Variants in SLC38A11 observed in about 807,000 individuals in gnomAD.
The protein encoded by SLC38A11 is putative sodium-coupled neutral amino acid transporter 11.
In SLC38A11, 51 loss-of-function variants were observed where a neutral mutation model predicts 49.4. The ratio of observed to expected loss-of-function variants is 1.03; its 90% CI spans 0.83 to 1.30. The LOEUF (loss-of-function observed/expected upper bound fraction) is 1.30. SLC38A11 is among the 50% of genes most tolerant of loss of function. SLC38A11 has a pLI of 0.00. For synonymous variants in SLC38A11, 203 were observed against 192.9 expected, an observed-to-expected ratio of 1.05 and a Z score of -0.43; for missense variants, 574 against 556.2, an observed-to-expected ratio of 1.03 and a Z score of -0.32.
intron 3 of SLC38A11, among the ~76,000 whole-genome samples, chr2:164,949,488 C>T (rs1415134459): frequency 6.6e-6 from 1 of 152,200 alleles, no homozygotes; most frequent in East Asian, 1.9e-4. Context: ...GAATTTCTGA[C>T]CTCAAGTGAT....
rs148479211 is a variant in SLC38A11, at chr2:164,915,970, T to C, written c.621A>G (p.Pro207=). ...ARAISLGPHI[P]KTEDAWVFAK... Reference sequence around the variant, plus strand: ...CAAATACCCAAGCGTCTTCTGTTTTTGGTCTAGAAGAAAAATCAGTTAACT... The same window carrying C: ...CAAATACCCAAGCGTCTTCTGTTTTCGGTCTAGAAGAAAAATCAGTTAACT... Residue 207 remains proline (P), a synonymous_variant, in exon 8 of 12, where the codon CCA becomes CCG. Coordinates refer to ENST00000685975, the MANE Select transcript of SLC38A11 (RefSeq NM_001351537.2). 5 of 1,588,676 alleles carry C rather than the reference T, an allele frequency of 3.1e-6. No individual in the cohort carries two copies. Among genetic ancestry groups the C allele is most frequent in the African/African-American group, 2.7e-5 (2 of 74,658 alleles).
At chr2:164,938,863 A>C (rs1458883513) in intron 6 of SLC38A11, among the ~76,000 whole-genome samples, 1 of 152,160 alleles carries the variant, frequency 6.6e-6, no homozygotes, top group Admixed American at 6.5e-5. Flanking sequence ...ATATTCCTTG[A>C]GAGTAAGTGC....
intron 7 of SLC38A11, among the ~76,000 whole-genome samples, chr2:164,931,630 C>T (rs1259999354): frequency 6.6e-6 from 1 of 152,184 alleles, no homozygotes; most frequent in Non-Finnish European, 1.5e-5. Context: ...ACAGCTACAA[C>T]TATCTGATCT....
At chr2:164,935,672 G>A (rs1687321590) in intron 7 of SLC38A11, among the ~76,000 whole-genome samples, 1 of 151,730 alleles carries the variant, frequency 6.6e-6, no homozygotes, top group African/African-American at 2.4e-5. Context: ...GACAGAATGA[G>A]ACCCTGTCTC....
intron 7 of SLC38A11, among the ~76,000 whole-genome samples, chr2:164,927,526 C>T (rs927487467): frequency 9.9e-5 from 15 of 152,094 alleles, no homozygotes; most frequent in Non-Finnish European, 2.1e-4. Context: ...GCTCCCCCAG[C>T]GAATGGCAAA....
At chr2:164,922,511 A>G (rs557616218) in intron 7 of SLC38A11, among the ~76,000 whole-genome samples, 15 of 152,298 alleles carry the variant, frequency 9.8e-5, no homozygotes, top group Admixed American at 9.2e-4. Context: ...GTTTACATTA[A>G]TATATAAAGC....
At chr2:164,903,163 CA>C (rs1684771061) in intron 11 of SLC38A11, among the ~76,000 whole-genome samples, 1 of 149,176 alleles carries the variant, frequency 6.7e-6, no homozygotes, top group African/African-American at 2.5e-5. Flanking sequence ...GTGAAAACAA[CA>C]AACAGTAATT....
intron 7 of SLC38A11, among the ~76,000 whole-genome samples, chr2:164,934,632 C>T (rs1283919686): frequency 3.3e-5 from 5 of 152,102 alleles, no homozygotes; most frequent in Non-Finnish European, 7.4e-5. Context: ...AGCTATGTTT[C>T]CCCCTCAATA....
chr2:164,942,432 C>CAA (rs138965956), intron 5 of SLC38A11, among the ~76,000 whole-genome samples: 3,324 of 103,160 alleles, frequency 0.032, 144 homozygotes, highest in African/African-American at 0.1. Flanking sequence ...GACTCTGTCT[C>CAA]AAAAAAAAAA....
intron 3 of SLC38A11, among the ~76,000 whole-genome samples, chr2:164,951,928 G>A (rs533894305): frequency 6.6e-6 from 1 of 152,202 alleles, no homozygotes; most frequent in Admixed American, 6.5e-5. Context: ...TGGTAAAAGG[G>A]CATCTAATCC....
At chr2:164,916,561 G>A (rs988311588) in intron 7 of SLC38A11, among the ~76,000 whole-genome samples, 2 of 152,052 alleles carry the variant, frequency 1.3e-5, no homozygotes, top group Admixed American at 6.6e-5. Context: ...GCTCTGGATG[G>A]TGATATAACT....
At chr2:164,943,025 T>C (rs1229205957) in intron 5 of SLC38A11, among the ~76,000 whole-genome samples, 2 of 152,214 alleles carry the variant, frequency 1.3e-5, no homozygotes, top group Non-Finnish European at 2.9e-5. Context: ...GTATGCTTTC[T>C]AGCTCTAGGT....
chr2:164,907,314 C>A (rs1359230597), intron 11 of SLC38A11, among the ~76,000 whole-genome samples: 1 of 127,920 alleles, frequency 7.8e-6, no homozygotes, highest in African/African-American at 3.0e-5. Flanking sequence ...CACTCTGTTG[C>A]CCAGGCTGGA....
At chr2:164,915,676 T>C (rs1219137260) in intron 8 of SLC38A11, 1 of 479,868 alleles carries the variant, frequency 2.1e-6, no homozygotes, top group Non-Finnish European at 3.8e-6. Flanking sequence ...ATGACTGTAA[T>C]GAGTTTCTGC....
At chr2:164,934,347 G>C (rs1295000855) in intron 7 of SLC38A11, among the ~76,000 whole-genome samples, 1 of 151,994 alleles carries the variant, frequency 6.6e-6, no homozygotes, top group Non-Finnish European at 1.5e-5. Flanking sequence ...TTTAATTTTA[G>C]AAACAATGTG....
chr2:164,945,110 A>G (rs977449115), intron 4 of SLC38A11, among the ~76,000 whole-genome samples: 2 of 152,160 alleles, frequency 1.3e-5, no homozygotes, highest in African/African-American at 4.8e-5. Context: ...CTTCCATAGT[A>G]CTGATTTTTA....
At chr2:164,925,877 C>G (rs1000599306) in intron 7 of SLC38A11, among the ~76,000 whole-genome samples, 6 of 152,152 alleles carry the variant, frequency 3.9e-5, no homozygotes, top group Admixed American at 3.9e-4. Context: ...GCAGACTCTT[C>G]TATTTTATTC....
intron 3 of SLC38A11, among the ~76,000 whole-genome samples, chr2:164,946,012 G>T (rs905983546): frequency 2.6e-5 from 4 of 152,154 alleles, no homozygotes; most frequent in African/African-American, 9.7e-5. Context: ...AACTGCCAGT[G>T]TTCCATTTTA....
At chr2:164,952,385 C>G (rs1419190145) in intron 3 of SLC38A11, among the ~76,000 whole-genome samples, 1 of 152,178 alleles carries the variant, frequency 6.6e-6, no homozygotes, top group African/African-American at 2.4e-5. Flanking sequence ...TCTGCACTTT[C>G]AGAGCACAGT....
Sources: gnomAD v4.1 joint callset for allele counts (sites outside exome capture counted in the v4.1 genomes callset) on GRCh38, gnomAD v4.1.1 for gene constraint, MANE v1.5 for transcripts, NCBI Gene and HGNC (gene_info 2026-07-23, HGNC 2026-07-21) for gene names.